The following CNTN4 variants were observed in gnomAD, a reference collection of about 807,000 sequenced individuals.
CNTN4 encodes contactin 4, also known as contactin-4.
CNTN4 carries 77 observed loss-of-function variants against 122.5 expected under a neutral mutation model. That is an observed-to-expected ratio of 0.63 (90% CI 0.52 to 0.76). The LOEUF (loss-of-function observed/expected upper bound fraction) is 0.76. Among genes scored for constraint, CNTN4 ranks in the 30% least tolerant of loss-of-function variants. The probability of loss-of-function intolerance (pLI) is 0.00; values close to 1 mark genes in which losing one functional copy is unlikely to be tolerated. For synonymous variants in CNTN4, 512 were observed against 447.0 expected (o/e 1.15, Z -1.83); for missense variants, 1,256 against 1,259.1 (o/e 1.00, Z 0.04).
chr3:2,559,712 A>G (rs2078868504), intron 3 of CNTN4, among the ~76,000 whole-genome samples: 1 of 152,186 alleles, frequency 6.6e-6, no homozygotes, highest in African/African-American at 2.4e-5. Flanking sequence ...CTGGAAAATG[A>G]TTTTATACCA....
At chr3:2,460,092 C>T (rs1243032309) in intron 3 of CNTN4, among the ~76,000 whole-genome samples, 2 of 151,978 alleles carry the variant, frequency 1.3e-5, no homozygotes, top group Non-Finnish European at 2.9e-5. Flanking sequence ...TCTGATAGAT[C>T]TCTAATATAG....
chr3:2,344,443 C>T (rs1229005583), intron 3 of CNTN4, among the ~76,000 whole-genome samples: 2 of 152,018 alleles, frequency 1.3e-5, no homozygotes, highest in Non-Finnish European at 2.9e-5. Context: ...CCGCACCCAG[C>T]TAATTTTTGT....
chr3:2,438,490 C>G (rs2048329284), intron 3 of CNTN4, among the ~76,000 whole-genome samples: 1 of 152,198 alleles, frequency 6.6e-6, no homozygotes, highest in African/African-American at 2.4e-5. Context: ...CCACTTTACT[C>G]CAGCCCAGGT....
intron 23 of CNTN4, among the ~76,000 whole-genome samples, chr3:3,048,367 G>C (rs1177768162): frequency 6.6e-6 from 1 of 152,130 alleles, no homozygotes; most frequent in Non-Finnish European, 1.5e-5. Flanking sequence ...TATACGGAAA[G>C]ATATGCTTAG....
intron 2 of CNTN4, among the ~76,000 whole-genome samples, chr3:2,265,032 T>A (rs1818850): frequency 0.53 from 80,447 of 151,186 alleles, 22,023 homozygotes; most frequent in South Asian, 0.68. Context: ...TTCCCCTGAG[T>A]CCCCAAAGTC....
At chr3:2,807,207 A>G (rs1019780353) in intron 6 of CNTN4, among the ~76,000 whole-genome samples, 3 of 152,206 alleles carry the variant, frequency 2.0e-5, no homozygotes, top group African/African-American at 7.2e-5. Context: ...GGCATGAGCA[A>G]TGGCATTTCT....
chr3:2,451,308 G>T (rs977698370), intron 3 of CNTN4, among the ~76,000 whole-genome samples: 11 of 151,824 alleles, frequency 7.2e-5, no homozygotes, highest in African/African-American at 1.7e-4. Context: ...TAGATTTTTA[G>T]AGCTTCTATT....
intron 6 of CNTN4, among the ~76,000 whole-genome samples, chr3:2,763,181 G>A (rs952137797): frequency 6.6e-6 from 1 of 152,072 alleles, no homozygotes; most frequent in African/African-American, 2.4e-5. Context: ...TCCTGACCTC[G>A]TGATCCGCCC....
At position 2,833,752 on chromosome 3, in the gene CNTN4, A is replaced by G. The variant is rs913468143; in HGVS notation, c.454+14171A>G. 2.0e-5 allele frequency among the ~76,000 whole-genome samples: 3 copies of G among 152,368 alleles called. No individual in the cohort carries two copies. The East Asian group carries it at 5.8e-4, about 29-fold the overall frequency. On this transcript the variant is annotated intron_variant, in intron 7 of 24. Transcript: ENST00000418658. Reference sequence around the variant, plus strand: ...GGAAAATTTTTAAAAAATAATTCCAATGACATAACTTTACTTGGGTTCAGC... The same window carrying G: ...GGAAAATTTTTAAAAAATAATTCCAGTGACATAACTTTACTTGGGTTCAGC...
chr3:2,166,173 A>G (rs984966612), intron 2 of CNTN4, among the ~76,000 whole-genome samples: 1 of 152,098 alleles, frequency 6.6e-6, no homozygotes, highest in African/African-American at 2.4e-5. Flanking sequence ...ATGTCAATTT[A>G]TATCCCCATC....
intron 2 of CNTN4, among the ~76,000 whole-genome samples, chr3:2,171,365 T>C (rs1221414931): frequency 1.3e-5 from 2 of 152,230 alleles, no homozygotes; most frequent in Non-Finnish European, 2.9e-5. Flanking sequence ...ATCTCATTTT[T>C]ATAATTCCAC....
intron 4 of CNTN4, among the ~76,000 whole-genome samples, chr3:2,595,741 C>T (rs1396574033): frequency 2.0e-5 from 3 of 152,140 alleles, no homozygotes; most frequent in Non-Finnish European, 4.4e-5. Flanking sequence ...TCATATTGTC[C>T]AGAGTTCAGA....
At chr3:2,104,856 G>C (rs1317300096) in intron 2 of CNTN4, among the ~76,000 whole-genome samples, 2 of 152,182 alleles carry the variant, frequency 1.3e-5, no homozygotes, top group Admixed American at 1.3e-4. Context: ...AGAGAGCATG[G>C]ATTTTGGTTA....
chr3:2,812,535 T>C (rs1576891596), intron 6 of CNTN4, among the ~76,000 whole-genome samples: 1 of 152,140 alleles, frequency 6.6e-6, no homozygotes, highest in East Asian at 1.9e-4. Context: ...AGGATATATT[T>C]TAAGTCTTAT....
chr3:2,556,609 G>GCATATATAAATTTTATATATGTGTA (rs1398784692), intron 3 of CNTN4, among the ~76,000 whole-genome samples: 12 of 151,918 alleles, frequency 7.9e-5, no homozygotes, highest in Admixed American at 2.0e-4. Flanking sequence ...ATATATGTGT[G>GCATATATAAATTTTATATATGTGTA]CATATATAAA....
chr3:2,139,961 C>T (rs1308876333), intron 2 of CNTN4, among the ~76,000 whole-genome samples: 1 of 152,220 alleles, frequency 6.6e-6, no homozygotes, highest in African/African-American at 2.4e-5. Flanking sequence ...GGGGGGCACC[C>T]AGTGGGAGGT....
At chr3:2,148,529 T>A (rs2035350359) in intron 2 of CNTN4, among the ~76,000 whole-genome samples, 1 of 150,200 alleles carries the variant, frequency 6.7e-6, no homozygotes, top group Non-Finnish European at 1.5e-5. Context: ...CGAGCCCCTG[T>A]CTCAAAAAAA....
At chr3:2,173,683 C>A (rs1345072696) in intron 2 of CNTN4, among the ~76,000 whole-genome samples, 2 of 150,296 alleles carry the variant, frequency 1.3e-5, no homozygotes, top group Admixed American at 6.8e-5. Context: ...CTACTTACTT[C>A]CTTTTATAAT....
chr3:3,000,478 G>T (rs1037380411), intron 14 of CNTN4, among the ~76,000 whole-genome samples: 1 of 152,220 alleles, frequency 6.6e-6, no homozygotes, highest in East Asian at 1.9e-4. Context: ...TACCATAAGA[G>T]ATGAGCAGGA....
Sources: gnomAD v4.1 joint callset for allele counts (sites outside exome capture counted in the v4.1 genomes callset) on GRCh38, gnomAD v4.1.1 for gene constraint, MANE v1.5 for transcripts, NCBI Gene and HGNC (gene_info 2026-07-23, HGNC 2026-07-21) for gene names.